Variants in KCNQ1 observed in about 807,000 individuals in gnomAD.
The protein encoded by KCNQ1 is potassium voltage-gated channel subfamily Q member 1, also known as potassium voltage-gated channel subfamily KQT member 1.
Under a neutral mutation model 72.4 loss-of-function variants are expected in KCNQ1, and 49 were observed. The ratio of observed to expected loss-of-function variants is 0.68; its 90% confidence interval spans 0.54 to 0.86. The LOEUF (loss-of-function observed/expected upper bound fraction) is 0.86. Ranked by LOEUF, KCNQ1 falls within the 40% of genes least tolerant of loss-of-function variation. The pLI, the probability that KCNQ1 is intolerant of heterozygous loss-of-function variation, is 0.00. For synonymous variants in KCNQ1, 450 were observed against 412.6 expected (o/e 1.09, Z -1.10); for missense variants, 790 against 945.1 (o/e 0.84, Z 2.15).
intron 2 of KCNQ1, among the ~76,000 whole-genome samples, chr11:2,568,591 C>T (rs983084234): frequency 6.6e-6 from 1 of 152,232 alleles, no homozygotes; most frequent in East Asian, 1.9e-4. Context: ...AGACAGAGCT[C>T]CTGCTACCAG....
Position 2,749,137 on chromosome 11 carries a change from C to T in KCNQ1, c.1515-19707C>T, listed in dbSNP as rs888909843. Among the ~76,000 whole-genome samples the T allele has an allele frequency of 2.0e-5, 3 of 152,224 alleles. No homozygotes were observed. In the South Asian group the frequency reaches 6.2e-4, roughly 32 times the overall value. On this transcript the variant is annotated intron_variant, in intron 11 of 15. Transcript: ENST00000155840. ...GGAAGGAGGCTCAGGCCAGGCCAAA[C>T]ATCAGAGACCTCAGGTCTGTCTCCT...
At position 2,670,604 on chromosome 11, in the gene KCNQ1, C is replaced by A. The variant is rs965221992; in HGVS notation, c.1514+8523C>A. On this transcript the variant is annotated intron_variant, in intron 11 of 15. Coordinates refer to ENST00000155840, the MANE Select transcript of KCNQ1 (RefSeq NM_000218.3). This position sits in a 1 kb window ranked among gnomAD's most constrained non-coding sequence, Gnocchi z 4.9. ...AAGCCAGGGCTCATTCCCAGACACA[C>A]AATCTCTGGGGGAGCCTGGATATGC... The A allele has an allele frequency of 2.5e-6, 1 of 398,404 alleles. No individual in the cohort carries two copies. Among genetic ancestry groups the A allele is most frequent in the Non-Finnish European group, 4.4e-6 (1 of 226,064 alleles). 24.7% of individuals were successfully genotyped at this position (398,404 alleles called of 1,614,324 possible). A position where few individuals can be genotyped will look rare whatever the true frequency, so the allele number is the denominator to read the frequency against.
At chr11:2,834,355 G>GCCCA (rs1848018636) in intron 15 of KCNQ1, among the ~76,000 whole-genome samples, 1 of 152,128 alleles carries the variant, frequency 6.6e-6, no homozygotes, top group Non-Finnish European at 1.5e-5. Flanking sequence ...TGGGGAGGGT[G>GCCCA]GGCAGAGCAG....
chr11:2,615,252 T>C (rs776180952), intron 10 of KCNQ1: 2 of 398,074 alleles, frequency 5.0e-6, no homozygotes, highest in African/African-American at 2.1e-5. Flanking sequence ...ATGTTGAACA[T>C]GTACCCTGCA....
chr11:2,626,132 A>T lies in KCNQ1; in HGVS notation c.1394-35829A>T. 5 of 398,522 alleles carry T rather than the reference A, an allele frequency of 1.3e-5. No homozygotes were observed. The highest frequency in any genetic ancestry group is 2.2e-5 in the Non-Finnish European group (5 of 226,056). 24.7% of individuals were successfully genotyped at this position (398,522 alleles called of 1,614,324 possible). A position where few individuals can be genotyped will look rare whatever the true frequency, so the allele number is the denominator to read the frequency against. ...CTGTGCCTTTGGTGTCGCATACAAG[A>T]AGCACTGCCAATGATGTAAAGTTTT... is the stretch of plus-strand genomic sequence containing the variant. On this transcript the variant is annotated intron_variant, in intron 10 of 15. Coordinates refer to ENST00000155840, the MANE Select transcript of KCNQ1 (RefSeq NM_000218.3). This position sits in a 1 kb window ranked among gnomAD's most constrained non-coding sequence, Gnocchi z 4.0.
At chr11:2,452,175 C>T (rs1262983525) in intron 1 of KCNQ1, among the ~76,000 whole-genome samples, 2 of 152,154 alleles carry the variant, frequency 1.3e-5, no homozygotes, top group East Asian at 3.9e-4. Context: ...TGCTGCCTTC[C>T]AAAATCATAC....
chr11:2,763,026 G>A (rs1846432864), intron 11 of KCNQ1, among the ~76,000 whole-genome samples: 1 of 152,150 alleles, frequency 6.6e-6, no homozygotes, highest in Admixed American at 6.5e-5. Flanking sequence ...CCTTCACGTT[G>A]TTAGGAATAT....
At chr11:2,501,173 A>G (rs1429422306) in intron 1 of KCNQ1, among the ~76,000 whole-genome samples, 3 of 152,202 alleles carry the variant, frequency 2.0e-5, no homozygotes, top group African/African-American at 7.2e-5. Context: ...AGAAGAAATA[A>G]TAAAGCTTAG....
At position 2,748,250 on chromosome 11, in the gene KCNQ1, C is replaced by A. The variant is rs1846169667; in HGVS notation, c.1515-20594C>A. The stretch of plus-strand genomic sequence containing the variant: ...ACCTCGGGCGAGGGAGAAGCAAGTT[C>A]CCCTCAGGAATGCTGGTGAAGCTGG... On this transcript the variant is annotated intron_variant, in intron 11 of 15. Coordinates refer to ENST00000155840, the MANE Select transcript of KCNQ1 (RefSeq NM_000218.3). This position sits in a 1 kb window ranked among gnomAD's most constrained non-coding sequence, Gnocchi z 6.2. 6.6e-6 allele frequency among the ~76,000 whole-genome samples: 1 copy of A among 152,132 alleles called. No individual in the cohort carries two copies. Among genetic ancestry groups the A allele is most frequent in the Non-Finnish European group, 1.5e-5 (1 of 68,022 alleles).
chr11:2,575,919 G>T (rs1020638142), intron 6 of KCNQ1, among the ~76,000 whole-genome samples: 4 of 152,230 alleles, frequency 2.6e-5, no homozygotes, highest in Admixed American at 2.6e-4. Flanking sequence ...CACAGGGCCT[G>T]CCCCTCCGAA....
chr11:2,499,956 A>G (rs919117234), intron 1 of KCNQ1, among the ~76,000 whole-genome samples: 1 of 152,246 alleles, frequency 6.6e-6, no homozygotes, highest in African/African-American at 2.4e-5. Flanking sequence ...AAAAATTGAA[A>G]TACTATCAAG....
At chr11:2,774,695 T>C (rs1416717023) in intron 12 of KCNQ1, among the ~76,000 whole-genome samples, 2 of 152,172 alleles carry the variant, frequency 1.3e-5, no homozygotes, top group African/African-American at 2.4e-5. Flanking sequence ...AGTGGGTACA[T>C]GGAGACCTGA....
intron 1 of KCNQ1, among the ~76,000 whole-genome samples, chr11:2,524,172 G>A (rs983521706): frequency 6.6e-6 from 1 of 152,172 alleles, no homozygotes; most frequent in Non-Finnish European, 1.5e-5. Flanking sequence ...GAAGAGACGG[G>A]AGGATGGAAG....
chr11:2,831,132 A>G (rs1193139378), intron 15 of KCNQ1, among the ~76,000 whole-genome samples: 1 of 152,204 alleles, frequency 6.6e-6, no homozygotes, highest in Non-Finnish European at 1.5e-5. Context: ...ATGGCTGTGA[A>G]GCCAAAGGCG....
rs1021019187 is a variant in KCNQ1, at chr11:2,669,069, C to T, written c.1514+6988C>T. ...GGAAGGCCCGTCCTCTCCCAACTAC[C>T]CTGCCGTATCAGTGTCTTTACAATC... On this transcript the variant is annotated intron_variant, in intron 11 of 15. Transcript: ENST00000155840. The surrounding 1 kb of genome is among the most constrained non-coding windows in gnomAD (Gnocchi z 5.6). 2.5e-6 allele frequency: 1 copy of T among 398,586 alleles called. No homozygotes were observed. The highest frequency in any genetic ancestry group is 1.3e-4 in the South Asian group (1 of 7,858). 24.7% of individuals were successfully genotyped at this position (398,586 alleles called of 1,614,324 possible). A position where few individuals can be genotyped will look rare whatever the true frequency, so the allele number is the denominator to read the frequency against.
rs1463939251 is a variant in KCNQ1 at position 2,690,487 on chromosome 11, C to T, written c.1514+28406C>T. On this transcript the variant is annotated intron_variant, in intron 11 of 15. Transcript: ENST00000155840. The surrounding 1 kb of genome is among the most constrained non-coding windows in gnomAD (Gnocchi z 5.1). ...CTGGGTCCTGGGAACAGCCACTGGG[C>T]CCAGTCGGGGGGGTCTCAGCACCTA... 1 of 398,584 alleles carries T rather than the reference C, an allele frequency of 2.5e-6. No homozygotes were observed. The highest frequency in any genetic ancestry group is 4.4e-6 in the Non-Finnish European group (1 of 226,074). 24.7% of individuals were successfully genotyped at this position (398,584 alleles called of 1,614,324 possible).
At chr11:2,694,441 A>G (rs1171559530) in intron 11 of KCNQ1, 2 of 398,540 alleles carry the variant, frequency 5.0e-6, no homozygotes, top group African/African-American at 4.1e-5. Context: ...AACATCTTAC[A>G]ATATAAATGA....
In KCNQ1 at chr11:2,658,141, C is replaced by T; in HGVS notation, c.1394-3820C>T. 2.5e-6 allele frequency: 1 copy of T among 398,534 alleles called. No individual in the cohort carries two copies. Among genetic ancestry groups the T allele is most frequent in the East Asian group, 3.6e-5 (1 of 28,078 alleles). 24.7% of individuals were successfully genotyped at this position (398,534 alleles called of 1,614,324 possible). ...AAATCTGCAAATATGTTAAAACTAC[C>T]ACAGCAATTAAAATACATTTCAAGG... On this transcript the variant is annotated intron_variant, in intron 10 of 15. Coordinates refer to ENST00000155840, the MANE Select transcript of KCNQ1 (RefSeq NM_000218.3). The surrounding 1 kb of genome is among the most constrained non-coding windows in gnomAD (Gnocchi z 4.9).
At chr11:2,569,870 G>A (rs1204030210) in intron 2 of KCNQ1, among the ~76,000 whole-genome samples, 2 of 152,198 alleles carry the variant, frequency 1.3e-5, no homozygotes, top group Non-Finnish European at 1.5e-5. Context: ...CTAGGGGGTG[G>A]GATCCAGCTC....
Sources: gnomAD v4.1 joint callset for allele counts (sites outside exome capture counted in the v4.1 genomes callset) on GRCh38, gnomAD v4.1.1 for gene constraint, Gnocchi (gnomAD v3.1) non-coding constraint, MANE v1.5 for transcripts, NCBI Gene and HGNC (gene_info 2026-07-23, HGNC 2026-07-21) for gene names.